The following ST7 variants were observed in gnomAD, a reference collection of about 807,000 sequenced individuals.
ST7 encodes suppression of tumorigenicity 7.
ST7 carries 28 observed loss-of-function variants against 78.7 expected under a neutral mutation model. The ratio of observed to expected loss-of-function variants is 0.36; its 90% CI spans 0.26 to 0.49. ST7 has a LOEUF of 0.49. ST7 is among the 20% of genes least tolerant of loss of function. The pLI is 0.99. For missense variants in ST7, 418 were observed against 696.0 expected (o/e 0.60, Z 4.49); for synonymous variants, 247 against 249.6 (o/e 0.99, Z 0.10).
At chr7:116,994,763 T>C (rs774392854) in intron 1 of ST7, among the ~76,000 whole-genome samples, 1 of 152,194 alleles carries the variant, frequency 6.6e-6, no homozygotes, top group African/African-American at 2.4e-5. Context: ...AAAAGAGAAG[T>C]ATTTAGCTGT....
chr7:117,109,236 A>T (rs1333986004), intron 2 of ST7, among the ~76,000 whole-genome samples: 1 of 152,186 alleles, frequency 6.6e-6, no homozygotes, highest in Non-Finnish European at 1.5e-5. Flanking sequence ...GGGGTTTGTC[A>T]GAGATGGCTT....
chr7:117,225,123 A>T (rs1793356101), intron 15 of ST7, among the ~76,000 whole-genome samples: 1 of 152,170 alleles, frequency 6.6e-6, no homozygotes, highest in South Asian at 2.1e-4. Context: ...AGGGAAGGAT[A>T]GTGACTAGAA....
At chr7:117,014,484 C>T (rs1459682937) in intron 1 of ST7, among the ~76,000 whole-genome samples, 5 of 152,108 alleles carry the variant, frequency 3.3e-5, no homozygotes. Context: ...GGTTTGTTTT[C>T]ACATTAGTCA....
intron 1 of ST7, among the ~76,000 whole-genome samples, chr7:117,085,583 C>A (rs1800079475): frequency 6.6e-6 from 1 of 152,172 alleles, no homozygotes; most frequent in African/African-American, 2.4e-5. Context: ...GGAGTGATTT[C>A]TTTTTGTTTT....
chr7:117,216,773 T>A (rs1416108585), intron 13 of ST7, among the ~76,000 whole-genome samples: 1 of 152,112 alleles, frequency 6.6e-6, no homozygotes, highest in East Asian at 1.9e-4. Context: ...CTTAATATTA[T>A]TTTTTGAGCT....
intron 12 of ST7, among the ~76,000 whole-genome samples, chr7:117,208,555 A>G (rs1434172625): frequency 6.6e-6 from 1 of 152,004 alleles, no homozygotes; most frequent in Non-Finnish European, 1.5e-5. Context: ...TGGGCCATAC[A>G]CCTCGACACC....
At chr7:117,126,835 T>C (rs150388129) in intron 3 of ST7, among the ~76,000 whole-genome samples, 1,549 of 152,006 alleles carry the variant, frequency 0.01, 36 homozygotes, top group African/African-American at 0.036. Flanking sequence ...TGTAATGATC[T>C]CATTATGACA....
intron 1 of ST7, among the ~76,000 whole-genome samples, chr7:116,991,595 C>T (rs28519509): frequency 0.12 from 18,829 of 152,162 alleles, 1,346 homozygotes; most frequent in East Asian, 0.3. Flanking sequence ...TCCCACAACA[C>T]GTGGGAATTA....
At chr7:117,107,773 C>G (rs912942502) in intron 2 of ST7, among the ~76,000 whole-genome samples, 5 of 151,900 alleles carry the variant, frequency 3.3e-5, no homozygotes, top group Non-Finnish European at 5.9e-5. Flanking sequence ...GCCACCATGC[C>G]TGGCTAATTT....
chr7:117,109,693 A>G (rs2116873326), intron 2 of ST7, among the ~76,000 whole-genome samples: 1 of 152,354 alleles, frequency 6.6e-6, no homozygotes. Context: ...TTATTCTGTG[A>G]AGCCAGTATC....
chr7:117,162,941 C>T (rs191318108), intron 9 of ST7, among the ~76,000 whole-genome samples: 96 of 152,186 alleles, frequency 6.3e-4, no homozygotes, highest in Non-Finnish European at 1.0e-3. Flanking sequence ...CTATCCTTCC[C>T]AGCTTCTAGT....
intron 13 of ST7, among the ~76,000 whole-genome samples, chr7:117,218,044 G>A (rs1459926686): frequency 6.6e-6 from 1 of 152,202 alleles, no homozygotes; most frequent in Non-Finnish European, 1.5e-5. Context: ...AAATAAGTAT[G>A]CAAAAGATAA....
At chr7:117,070,754 A>G (rs543681283) in intron 1 of ST7, among the ~76,000 whole-genome samples, 11 of 152,044 alleles carry the variant, frequency 7.2e-5, no homozygotes, top group African/African-American at 2.4e-5. Context: ...GGTGTTAGCC[A>G]GGAAGGTCTC....
In ST7 at chr7:117,190,582, G is replaced by C. The variant is rs1416231718; in HGVS notation, c.1152-252G>C. On this transcript the variant is annotated intron_variant, in intron 11 of 15. Transcript: ENST00000323984. The surrounding 1 kb of genome is among the most constrained non-coding windows in gnomAD (Gnocchi z 5.2). ...GGTACCTCGTAGAAGATTTAGATTAGCCATTTAGACAGAGACTTGACAGCC... is the reference window on the plus strand; with the variant it reads ...GGTACCTCGTAGAAGATTTAGATTACCCATTTAGACAGAGACTTGACAGCC... Among the ~76,000 whole-genome samples the C allele has an allele frequency of 6.6e-6, 1 of 152,146 alleles. No individual in the cohort carries two copies. The highest frequency in any genetic ancestry group is 2.4e-5 in the African/African-American group (1 of 41,420).
At chr7:117,012,497 CATGA>C (rs1244956969) in intron 1 of ST7, among the ~76,000 whole-genome samples, 3 of 151,852 alleles carry the variant, frequency 2.0e-5, no homozygotes, top group Non-Finnish European at 4.4e-5. Flanking sequence ...TAGGTTAATA[CATGA>C]ATTAGAACAA....
At chr7:117,185,326 C>G (rs1809153594) in intron 10 of ST7, among the ~76,000 whole-genome samples, 1 of 152,172 alleles carries the variant, frequency 6.6e-6, no homozygotes, top group South Asian at 2.1e-4. Context: ...AATGTATTTG[C>G]CCATGAACTT....
At chr7:117,198,134 G>C (rs560889710) in intron 12 of ST7, among the ~76,000 whole-genome samples, 1 of 152,322 alleles carries the variant, frequency 6.6e-6, no homozygotes, top group African/African-American at 2.4e-5. Context: ...AGTATGGGAG[G>C]AGGGAGTTAA....
chr7:117,169,090 A>G (rs1460109770), intron 9 of ST7, among the ~76,000 whole-genome samples: 1 of 151,460 alleles, frequency 6.6e-6, no homozygotes, highest in Non-Finnish European at 1.5e-5. Context: ...GAACCTGGTT[A>G]ACTTTCTTTT....
At chr7:117,220,429 C>G (rs1261242323) in intron 14 of ST7, among the ~76,000 whole-genome samples, 1 of 152,204 alleles carries the variant, frequency 6.6e-6, no homozygotes, top group African/African-American at 2.4e-5. Context: ...TTTCAACTCC[C>G]CCTTCAGGGA....
Sources: gnomAD v4.1 joint callset for allele counts (sites outside exome capture counted in the v4.1 genomes callset) on GRCh38, gnomAD v4.1.1 for gene constraint, Gnocchi (gnomAD v3.1) non-coding constraint, MANE v1.5 for transcripts, NCBI Gene and HGNC (gene_info 2026-07-23, HGNC 2026-07-21) for gene names.